SLC12A1: variants seen among roughly 807,000 people sequenced by gnomAD.
SLC12A1 encodes the protein solute carrier family 12 member 1, also known as Na-K-2Cl cotransporter.
In SLC12A1, 89 loss-of-function variants were observed where a neutral mutation model predicts 130.4. The ratio of observed to expected loss-of-function variants is 0.68; its 90% confidence interval spans 0.58 to 0.81. SLC12A1 has a LOEUF of 0.81. SLC12A1 is among the 40% of genes least tolerant of loss of function. The pLI, the probability that SLC12A1 is intolerant of heterozygous loss-of-function variation, is 0.00. For synonymous variants in SLC12A1, 499 were observed against 460.0 expected, an observed-to-expected ratio of 1.08 and a Z score of -1.09; for missense variants, 1,310 against 1,336.4, an observed-to-expected ratio of 0.98 and a Z score of 0.31.
chr15:48,292,062 G>C (rs936267023), intron 24 of SLC12A1, among the ~76,000 whole-genome samples, 198 bp downstream of exon 24: 8 of 152,234 alleles, frequency 5.3e-5, no homozygotes, highest in African/African-American at 1.9e-4. Flanking sequence ...TTACAGTGAA[G>C]ACAAGCCTGA....
intron 21 of SLC12A1, among the ~76,000 whole-genome samples, chr15:48,286,053 T>C (rs2042053803): frequency 6.6e-6 from 1 of 152,164 alleles, no homozygotes; most frequent in East Asian, 1.9e-4. Context: ...GGTCTCCAAG[T>C]CAAACAGCAG....
intron 14 of SLC12A1, among the ~76,000 whole-genome samples, chr15:48,250,700 A>ACACACACACACACACACT (rs2041638298): frequency 6.6e-6 from 1 of 151,964 alleles, no homozygotes; most frequent in Admixed American, 6.6e-5. Flanking sequence ...ACACACACAC[A>ACACACACACACACACACT]CACACACGGA....
Position 48,244,923 on chromosome 15 carries a change from A to C in SLC12A1, c.1452+19A>C, listed in dbSNP as rs778976273. ...TTTCCAGGTTTGAAGCAAAATTCAAAAATGTTCACTGCTATTATTTTCATT... is the reference window on the plus strand; with the variant it reads ...TTTCCAGGTTTGAAGCAAAATTCAACAATGTTCACTGCTATTATTTTCATT... On this transcript the variant is annotated intron_variant, in intron 11 of 26. Transcript: ENST00000380993. 6.2e-7 allele frequency: 1 copy of C among 1,611,654 alleles called. No individual in the cohort carries two copies. Among genetic ancestry groups the C allele is most frequent in the East Asian group, 2.2e-5 (1 of 44,856 alleles).
intron 19 of SLC12A1, among the ~76,000 whole-genome samples, chr15:48,270,213 C>T (rs920637629): frequency 6.6e-6 from 1 of 152,126 alleles, no homozygotes; most frequent in Non-Finnish European, 1.5e-5. Flanking sequence ...ATGCCAGGTG[C>T]TTCTGCTACC....
intron 20 of SLC12A1, among the ~76,000 whole-genome samples, chr15:48,280,803 T>C (rs1245896028): frequency 6.6e-6 from 1 of 152,024 alleles, no homozygotes; most frequent in Non-Finnish European, 1.5e-5. Context: ...CGGTATTAAC[T>C]GCACTTCTTT....
intron 19 of SLC12A1, among the ~76,000 whole-genome samples, chr15:48,272,704 G>C (rs147100189): frequency 6.6e-6 from 1 of 152,176 alleles, no homozygotes; most frequent in Non-Finnish European, 1.5e-5. Flanking sequence ...TTGGATTACA[G>C]ACATGAGCCA....
chr15:48,234,511 G>T (rs1448643109), intron 8 of SLC12A1, among the ~76,000 whole-genome samples: 1 of 152,088 alleles, frequency 6.6e-6, no homozygotes, highest in East Asian at 1.9e-4. Context: ...GGGAGGTCGA[G>T]GCAGGTGGAT....
intron 15 of SLC12A1, among the ~76,000 whole-genome samples, chr15:48,252,906 G>C (rs1379340657): frequency 6.6e-6 from 1 of 152,266 alleles, no homozygotes; most frequent in East Asian, 1.9e-4. Context: ...AAGAGTTGGT[G>C]GGGGCCAGAT....
chr15:48,215,344 T>C (rs1243764025), intron 2 of SLC12A1, among the ~76,000 whole-genome samples: 2 of 152,242 alleles, frequency 1.3e-5, no homozygotes, highest in African/African-American at 4.8e-5. Context: ...CTTTTCATTT[T>C]TTAAACATAC....
At position 48,225,916 on chromosome 15, in the gene SLC12A1, T is replaced by A. The variant is rs908227372; in HGVS notation, c.629-560T>A. On this transcript the variant is annotated intron_variant, in intron 4 of 26. Transcript: ENST00000380993. ...CTGGTATCACTGGTTTATCCACCTC[T>A]GCTATTGCCACAAATGGATGTGTCA... The A allele has an allele frequency of 4.1e-6, 4 of 984,986 alleles. No individual in the cohort carries two copies. In the South Asian group the frequency reaches 1.4e-4, roughly 35 times the overall value. The allele number at this position is 984,986 out of a possible 1,614,324, so 61.0% of individuals were successfully genotyped here.
At chr15:48,231,768 A>C (rs945320204) in intron 7 of SLC12A1, among the ~76,000 whole-genome samples, 1 of 152,214 alleles carries the variant, frequency 6.6e-6, no homozygotes, top group East Asian at 1.9e-4. Context: ...CTGTAATCCC[A>C]GCACTTTGGG....
intron 19 of SLC12A1, among the ~76,000 whole-genome samples, chr15:48,271,533 A>T (rs902511779): frequency 6.6e-6 from 1 of 152,206 alleles, no homozygotes; most frequent in Non-Finnish European, 1.5e-5. Context: ...TATTTATGCA[A>T]CATATTAACA....
intron 25 of SLC12A1, 82 bp from the exon 26 acceptor site, chr15:48,301,233 G>C: frequency 1.1e-6 from 1 of 932,448 alleles, no homozygotes. Flanking sequence ...GAGATTTTCT[G>C]CTTGTTCATG....
Position 48,247,467 on chromosome 15 carries a change from A to G in SLC12A1, c.1684+7A>G, listed in dbSNP as rs373198258. ...ATGGCATTTATTCTTATTGGTTTGT[A>G]AAGTTTTCTTGTTTTTATTGAAAAC... is the stretch of plus-strand genomic sequence containing the variant. On this transcript the variant is annotated splice_region_variant and intron_variant, in intron 13 of 26. Transcript: ENST00000380993. 6.3e-6 allele frequency: 10 copies of G among 1,590,866 alleles called. No homozygotes were observed. Among genetic ancestry groups the G allele is most frequent in the Middle Eastern group, 1.7e-4 (1 of 5,992 alleles).
At position 48,274,781 on chromosome 15, in the gene SLC12A1, C is replaced by T. The variant is rs1349711159; in HGVS notation, c.2485+128C>T. 18 of 600,394 alleles carry T rather than the reference C, an allele frequency of 3.0e-5. No homozygotes were observed. The South Asian group carries it at 3.0e-4, about 10-fold the overall frequency. The allele number at this position is 600,394 out of a possible 1,614,324, so 37.2% of individuals were successfully genotyped here. A position where few individuals can be genotyped will look rare whatever the true frequency, so the allele number is the denominator to read the frequency against. ...TGACAGTGGAGCTTACATTCTAGTG[C>T]TACTCGTAGTGCATATAGTTCCCCC... On this transcript the variant is annotated intron_variant, in intron 20 of 26. Coordinates refer to ENST00000380993, the MANE Select transcript of SLC12A1 (RefSeq NM_000338.3).
intron 10 of SLC12A1, among the ~76,000 whole-genome samples, chr15:48,243,496 A>G (rs1021471762): frequency 3.3e-5 from 5 of 152,108 alleles, no homozygotes; most frequent in African/African-American, 1.2e-4. Context: ...TCTCTACTAA[A>G]AATACAAAAA....
At chr15:48,232,518 A>T (rs998355112) in intron 7 of SLC12A1, among the ~76,000 whole-genome samples, 1 of 152,220 alleles carries the variant, frequency 6.6e-6, no homozygotes, top group Non-Finnish European at 1.5e-5. Flanking sequence ...CACGTGTGCC[A>T]TTAAAAATGT....
intron 9 of SLC12A1, chr15:48,236,842 T>A: frequency 2.1e-6 from 1 of 476,140 alleles, no homozygotes; most frequent in Non-Finnish European, 3.7e-6. Context: ...CAGAGGTCAC[T>A]GATTTAAATT....
At chr15:48,257,428 C>G (rs1046870448) in intron 16 of SLC12A1, among the ~76,000 whole-genome samples, 1 of 152,208 alleles carries the variant, frequency 6.6e-6, no homozygotes, top group Non-Finnish European at 1.5e-5. Flanking sequence ...TCCTTCTGCA[C>G]TACCCTAGCA....
Sources: gnomAD v4.1 joint callset for allele counts (sites outside exome capture counted in the v4.1 genomes callset) on GRCh38, gnomAD v4.1.1 for gene constraint, MANE v1.5 for transcripts, NCBI Gene and HGNC (gene_info 2026-07-23, HGNC 2026-07-21) for gene names.